TIAM1: variants seen among roughly 807,000 people sequenced by gnomAD.
The protein encoded by TIAM1 is TIAM Rac1 associated GEF 1, also known as rho guanine nucleotide exchange factor TIAM1.
TIAM1 carries 65 observed loss-of-function variants against 163.5 expected under a neutral mutation model. The observed-to-expected ratio is 0.40, with a 90% CI of 0.33 to 0.49. TIAM1 has a LOEUF of 0.49. Ranked by LOEUF, TIAM1 falls within the 20% of genes least tolerant of loss-of-function variation. The pLI is 0.77. For synonymous variants in TIAM1, 833 were observed against 810.1 expected, an observed-to-expected ratio of 1.03 and a Z score of -0.48; for missense variants, 1,789 against 2,044.7, an observed-to-expected ratio of 0.87 and a Z score of 2.41.
At chr21:31,496,611 G>C (rs950246454) in intron 1 of TIAM1, among the ~76,000 whole-genome samples, 5 of 151,426 alleles carry the variant, frequency 3.3e-5, no homozygotes, top group African/African-American at 1.2e-4. Flanking sequence ...TATTATTAAA[G>C]AAAAAAAAAT....
chr21:31,187,361 C>T (rs1407725426), intron 13 of TIAM1, among the ~76,000 whole-genome samples: 1 of 152,120 alleles, frequency 6.6e-6, no homozygotes, highest in Non-Finnish European at 1.5e-5. Flanking sequence ...ATCTTGCTTC[C>T]TGGTAAACGC....
intron 2 of TIAM1, among the ~76,000 whole-genome samples, chr21:31,455,995 G>A (rs1380709242): frequency 4.6e-5 from 7 of 152,168 alleles, no homozygotes; most frequent in African/African-American, 9.7e-5. Flanking sequence ...CAATGTGTCC[G>A]TGTTAATTTC....
chr21:31,157,097 A>C (rs1051735531), intron 16 of TIAM1, among the ~76,000 whole-genome samples: 5 of 152,246 alleles, frequency 3.3e-5, no homozygotes, highest in Admixed American at 3.3e-4. Flanking sequence ...TAATTGATAC[A>C]AACAAGTTAA....
intron 1 of TIAM1, among the ~76,000 whole-genome samples, chr21:31,493,792 A>C (rs1337705713): frequency 6.6e-6 from 1 of 152,170 alleles, no homozygotes; most frequent in South Asian, 2.1e-4. Flanking sequence ...TGGCGTCTGC[A>C]CTCACTCAGG....
intron 2 of TIAM1, among the ~76,000 whole-genome samples, chr21:31,458,246 C>T (rs189167350): frequency 6.6e-6 from 1 of 152,172 alleles, no homozygotes; most frequent in East Asian, 1.9e-4. Flanking sequence ...ATAGTGAAAT[C>T]CGTCCCTACT....
Position 31,127,119 on chromosome 21 carries a change from T to C in TIAM1, c.4079A>G (p.His1360Arg). The C allele has an allele frequency of 6.2e-7, 1 of 1,614,064 alleles. No homozygotes were observed. The highest frequency in any genetic ancestry group is 2.2e-5 in the East Asian group (1 of 44,882). Residue 1360 changes from histidine to arginine, a missense_variant, in exon 26 of 28, where the codon CAT (histidine) becomes CGT (arginine). This residue lies in a region of TIAM1 where 415 missense variants were observed against 439.2 expected (regional missense o/e 0.94). Coordinates refer to ENST00000541036, the MANE Select transcript of TIAM1 (RefSeq NM_001353694.2). ...CCTCCCTTCAGACTCGGATTTTACA[T>C]GGACAATTTCACACACGGCATTTGC... Reference protein sequence around the residue: ...AEANAVCEIVHVKSESEGRPE... With the variant: ...AEANAVCEIVRVKSESEGRPE...
intron 2 of TIAM1, among the ~76,000 whole-genome samples, chr21:31,355,173 C>CAAAAAAA (rs35512560): frequency 7.8e-6 from 1 of 128,608 alleles, no homozygotes. Context: ...CCCCCACCAC[C>CAAAAAAA]AAAAAAAAAA....
intron 25 of TIAM1, among the ~76,000 whole-genome samples, chr21:31,127,471 T>A (rs546382394): frequency 6.6e-6 from 1 of 150,794 alleles, no homozygotes; most frequent in African/African-American, 2.4e-5. Context: ...CAGGCCGGAG[T>A]GCGGTGGTGT....
At chr21:31,302,888 T>C (rs938608746) in intron 2 of TIAM1, among the ~76,000 whole-genome samples, 2 of 152,236 alleles carry the variant, frequency 1.3e-5, no homozygotes, top group Non-Finnish European at 2.9e-5. Context: ...AAACAGCAAT[T>C]GGGAGGCCCA....
intron 14 of TIAM1, among the ~76,000 whole-genome samples, chr21:31,183,792 T>C (rs1162755299): frequency 6.6e-6 from 1 of 151,620 alleles, no homozygotes; most frequent in Non-Finnish European, 1.5e-5. Context: ...CCTCCCAGGT[T>C]CAAGCGATTC....
At position 31,213,850 on chromosome 21, in the gene TIAM1, T is replaced by A. The variant is rs537112563; in HGVS notation, c.2143-378A>T. ...TTTGAGACCAGCCTGGGCAATATAGTTAGACCTCATCTCTACAAAAAAAAA... is the reference window on the plus strand; with the variant it reads ...TTTGAGACCAGCCTGGGCAATATAGATAGACCTCATCTCTACAAAAAAAAA... On this transcript the variant is annotated intron_variant, in intron 9 of 27. Transcript: ENST00000541036. Among the ~76,000 whole-genome samples, 584 of 138,824 alleles carry A rather than the reference T, an allele frequency of 4.2e-3. 2 individuals carry two copies. The highest frequency in any genetic ancestry group is 6.1e-3 in the Non-Finnish European group (408 of 66,458). 91.1% of individuals were successfully genotyped at this position (138,824 alleles called of 152,430 possible).
chr21:31,222,895 CT>C (rs1453088630), intron 8 of TIAM1, among the ~76,000 whole-genome samples: 1 of 150,586 alleles, frequency 6.6e-6, no homozygotes, highest in Non-Finnish European at 1.5e-5. Context: ...TTTCTGTACA[CT>C]TAATAGAGAC....
chr21:31,279,636 T>C (rs2073455535), intron 2 of TIAM1, among the ~76,000 whole-genome samples: 1 of 152,320 alleles, frequency 6.6e-6, no homozygotes, highest in Admixed American at 6.5e-5. Context: ...GATGATAAGA[T>C]TCCTAAATCA....
intron 1 of TIAM1, among the ~76,000 whole-genome samples, chr21:31,482,777 A>G (rs971158454): frequency 1.3e-5 from 2 of 152,176 alleles, no homozygotes; most frequent in African/African-American, 4.8e-5. Flanking sequence ...AAGCACCCCT[A>G]GTCAAGGCCA....
intron 20 of TIAM1, among the ~76,000 whole-genome samples, 185 bp downstream of exon 20, chr21:31,146,710 C>CA (rs55662795): frequency 0.73 from 95,362 of 131,490 alleles, 33,742 homozygotes; most frequent in African/African-American, 0.77. Flanking sequence ...GACTCTGTCT[C>CA]AAAAAAAAAA....
At chr21:31,132,920 A>G (rs1420938070) in intron 23 of TIAM1, among the ~76,000 whole-genome samples, 34 of 152,252 alleles carry the variant, frequency 2.2e-4, no homozygotes, top group Admixed American at 2.2e-3. Context: ...TAAGGCAACA[A>G]TCACCAACAT....
At chr21:31,210,533 GAAAA>G (rs1363810810) in intron 10 of TIAM1, among the ~76,000 whole-genome samples, 3 of 50,168 alleles carry the variant, frequency 6.0e-5, no homozygotes, top group Non-Finnish European at 1.2e-4. Context: ...GGGAAGGAAG[GAAAA>G]GAAAGAAAGA....
At chr21:31,369,095 G>A (rs1602111456) in intron 2 of TIAM1, among the ~76,000 whole-genome samples, 1 of 151,952 alleles carries the variant, frequency 6.6e-6, no homozygotes, top group Non-Finnish European at 1.5e-5. Flanking sequence ...CCGTGGTGGC[G>A]GGAGCCTGTA....
At position 31,209,951 on chromosome 21, in the gene TIAM1, C is replaced by T. The variant is rs2086640323; in HGVS notation, c.2388+94G>A. 1.6e-5 allele frequency: 22 copies of T among 1,396,752 alleles called. No individual in the cohort carries two copies. In the South Asian group the frequency reaches 2.8e-4, roughly 18 times the overall value. 86.5% of individuals were successfully genotyped at this position (1,396,752 alleles called of 1,614,324 possible). On this transcript the variant is annotated intron_variant, in intron 11 of 27. Transcript: ENST00000541036. The stretch of plus-strand genomic sequence containing the variant: ...GGAGGTGTGTTTTAAGCACCTTCCT[C>T]TCCCACACGGCTCTGGGTTTCCACA...
Sources: allele counts gnomAD v4.1 joint callset (sites outside exome capture counted in the v4.1 genomes callset), GRCh38; gene constraint gnomAD v4.1.1; regional missense constraint gnomAD v4.1.1; transcripts MANE v1.5; gene names NCBI Gene and HGNC (gene_info 2026-07-23, HGNC 2026-07-21).